SNTG1: variants seen among roughly 807,000 people sequenced by gnomAD.
SNTG1 encodes the protein gamma-1-syntrophin.
SNTG1 carries 39 observed loss-of-function variants against 74.7 expected under a neutral mutation model. The ratio of observed to expected loss-of-function variants is 0.52; its 90% CI spans 0.40 to 0.68. The LOEUF (loss-of-function observed/expected upper bound fraction) is 0.68, where lower values mean the gene tolerates loss of function less well. SNTG1 is among the 30% of genes least tolerant of loss of function. SNTG1 has a pLI of 0.00. For synonymous variants in SNTG1, 254 were observed against 217.1 expected, an observed-to-expected ratio of 1.17 and a Z score of -1.49; for missense variants, 685 against 609.5, an observed-to-expected ratio of 1.12 and a Z score of -1.30.
rs201845483 is a variant in SNTG1 at position 50,577,461 on chromosome 8, GT to G, written c.811-13407del. On this transcript the variant is annotated intron_variant, in intron 12 of 18. Coordinates refer to ENST00000642720, the MANE Select transcript of SNTG1 (RefSeq NM_018967.5). ...TATTGGTCCATAGTTTTTTTTTTTT[GT>G]TTTTTTTTTTCTTCTGGTGTCTTTG... Among the ~76,000 whole-genome samples, 381 of 130,656 alleles carry G rather than the reference GT, an allele frequency of 2.9e-3. 1 individual carries two copies. Among genetic ancestry groups the G allele is most frequent in the African/African-American group, 7.9e-3 (283 of 35,652 alleles). 85.7% of individuals were successfully genotyped at this position (130,656 alleles called of 152,430 possible).
At chr8:50,456,135 C>T (rs1048979535) in intron 8 of SNTG1, among the ~76,000 whole-genome samples, 2 of 152,020 alleles carry the variant, frequency 1.3e-5, no homozygotes, top group Non-Finnish European at 2.9e-5. Context: ...TTAGGGATGC[C>T]TTTTTTGCTA....
rs1322852475 is a variant in SNTG1, at chr8:49,911,893, C to T, written c.-441C>T. On this transcript the variant is annotated 5_prime_UTR_variant, in exon 1 of 19. Coordinates refer to ENST00000642720, the MANE Select transcript of SNTG1 (RefSeq NM_018967.5). ...CCCTTCCTTAATGGATGAAAAGTAC[C>T]CCTCCCTCTACACCTGCTGTACCTA... The T allele has an allele frequency of 6.7e-6, 1 of 149,102 alleles. No individual in the cohort carries two copies. Among genetic ancestry groups the T allele is most frequent in the East Asian group, 2.0e-4 (1 of 5,002 alleles). The allele number at this position is 149,102 out of a possible 1,614,324, so 9.2% of individuals were successfully genotyped here.
chr8:50,422,575 T>C (rs2093105997), intron 4 of SNTG1, among the ~76,000 whole-genome samples: 1 of 150,030 alleles, frequency 6.7e-6, no homozygotes, highest in Non-Finnish European at 1.5e-5. Context: ...CAAATCAATC[T>C]CTCCAAAAGC....
intron 2 of SNTG1, among the ~76,000 whole-genome samples, chr8:50,386,474 G>A (rs756890956): frequency 6.6e-6 from 1 of 151,786 alleles, no homozygotes; most frequent in Non-Finnish European, 1.5e-5. Flanking sequence ...CCTGTGGTAG[G>A]GTATCAGCGT....
intron 15 of SNTG1, among the ~76,000 whole-genome samples, chr8:50,681,421 T>A (rs1164363174): frequency 5.3e-5 from 8 of 152,162 alleles, no homozygotes; most frequent in Non-Finnish European, 1.2e-4. Flanking sequence ...TTTCCAGTAA[T>A]GTTAAGTAAA....
intron 18 of SNTG1, among the ~76,000 whole-genome samples, chr8:50,791,468 A>T (rs137910872): frequency 3.2e-4 from 49 of 151,936 alleles, no homozygotes; most frequent in African/African-American, 1.1e-3. Context: ...ACCTGAATAT[A>T]TATTATGGGG....
At chr8:50,153,744 G>A (rs1236167381) in intron 1 of SNTG1, among the ~76,000 whole-genome samples, 1 of 152,166 alleles carries the variant, frequency 6.6e-6, no homozygotes, top group African/African-American at 2.4e-5. Flanking sequence ...AAATGTTGCT[G>A]CCAGATCGTT....
rs540296766 is a variant in SNTG1, at chr8:50,795,688, T to A, written c.*2859T>A. The A allele has an allele frequency of 9.9e-5, 15 of 152,170 alleles. No individual in the cohort carries two copies. The highest frequency in any genetic ancestry group is 3.1e-4 in the African/African-American group (13 of 41,542). 9.4% of individuals were successfully genotyped at this position (152,170 alleles called of 1,614,324 possible). A position where few individuals can be genotyped will look rare whatever the true frequency, so the allele number is the denominator to read the frequency against. Reference sequence around the variant, plus strand: ...TTAGGTCAGAGAATGAAGTTCAAAGTCATTTGAAAACTGCTAACTACTATA... The same window carrying A: ...TTAGGTCAGAGAATGAAGTTCAAAGACATTTGAAAACTGCTAACTACTATA... On this transcript the variant is annotated 3_prime_UTR_variant, in exon 19 of 19. Transcript: ENST00000642720.
At chr8:50,756,834 T>G (rs989602536) in intron 18 of SNTG1, among the ~76,000 whole-genome samples, 12 of 151,796 alleles carry the variant, frequency 7.9e-5, no homozygotes, top group African/African-American at 2.9e-4. Context: ...GGAATTTTAT[T>G]AAATCTGTAG....
intron 13 of SNTG1, among the ~76,000 whole-genome samples, chr8:50,601,891 AGTTTTTGTCTT>A (rs2094777731): frequency 6.6e-6 from 1 of 151,956 alleles, no homozygotes; most frequent in South Asian, 2.1e-4. Flanking sequence ...CTCCTCTTGT[AGTTTTTGTCTT>A]GAAATATATT....
At chr8:50,448,402 C>T (rs947245453) in intron 5 of SNTG1, among the ~76,000 whole-genome samples, 2 of 151,732 alleles carry the variant, frequency 1.3e-5, no homozygotes, top group African/African-American at 4.8e-5. Flanking sequence ...TAAAAATGGG[C>T]ATGCAAGGGA....
chr8:50,361,045 TAAAACACA>T (rs2091941606), intron 2 of SNTG1, among the ~76,000 whole-genome samples: 1 of 152,238 alleles, frequency 6.6e-6, no homozygotes, highest in Admixed American at 6.5e-5. Context: ...GCTTTTAGCT[TAAAACACA>T]AACATTTACA....
At chr8:50,607,168 T>TGGG (rs2094818716) in intron 13 of SNTG1, among the ~76,000 whole-genome samples, 1 of 151,900 alleles carries the variant, frequency 6.6e-6, no homozygotes, top group Non-Finnish European at 1.5e-5. Flanking sequence ...AAGTATTATT[T>TGGG]AATTTTCATA....
At chr8:49,957,114 T>G (rs571101648) in intron 1 of SNTG1, among the ~76,000 whole-genome samples, 3 of 152,210 alleles carry the variant, frequency 2.0e-5, no homozygotes, top group Non-Finnish European at 4.4e-5. Context: ...AAAAGTAGCA[T>G]AGTCAGTAAC....
chr8:50,130,875 T>G (rs1411455766), intron 1 of SNTG1, among the ~76,000 whole-genome samples: 1 of 152,030 alleles, frequency 6.6e-6, no homozygotes, highest in East Asian at 1.9e-4. Context: ...TCATTTAGGA[T>G]GGGAAATAAT....
At chr8:50,203,071 CCTT>C (rs1222631291) in intron 2 of SNTG1, among the ~76,000 whole-genome samples, 9 of 151,982 alleles carry the variant, frequency 5.9e-5, no homozygotes, top group African/African-American at 1.9e-4. Flanking sequence ...TTATTTTTCT[CCTT>C]CTTCCTCTTC....
intron 3 of SNTG1, among the ~76,000 whole-genome samples, chr8:50,396,335 A>G (rs557636248): frequency 6.6e-6 from 1 of 152,322 alleles, no homozygotes; most frequent in South Asian, 2.1e-4. Flanking sequence ...ATGGAATCCA[A>G]GTGTTCAGGA....
At chr8:50,212,952 C>T (rs528186094) in intron 2 of SNTG1, among the ~76,000 whole-genome samples, 22 of 152,266 alleles carry the variant, frequency 1.4e-4, no homozygotes, top group Middle Eastern at 3.4e-3. Context: ...CCTGCCTATG[C>T]GATGGCAAAC....
rs115891119 is a variant in SNTG1 at position 50,446,049 on chromosome 8, G to A, written c.220-3619G>A. On this transcript the variant is annotated intron_variant, in intron 5 of 18. Transcript: ENST00000642720. ...TGCTGACATCCTTCAGGTTCAGGGC[G>A]ATGGAGGTCCAGGAGCTACACTGGA... 8.4e-3 allele frequency among the ~76,000 whole-genome samples: 1,282 copies of A among 152,268 alleles called. 23 individuals are homozygous for A. The highest frequency in any genetic ancestry group is 0.03 in the African/African-American group (1,228 of 41,542).
Sources: allele counts gnomAD v4.1 joint callset (sites outside exome capture counted in the v4.1 genomes callset), GRCh38; gene constraint gnomAD v4.1.1; transcripts MANE v1.5; gene names NCBI Gene and HGNC (gene_info 2026-07-23, HGNC 2026-07-21).